Variants in SDK1 observed in about 807,000 individuals in gnomAD.
The protein encoded by SDK1 is sidekick cell adhesion molecule 1, also known as protein sidekick-1.
SDK1 carries 157 observed loss-of-function variants against 245.5 expected under a neutral mutation model. That is an observed-to-expected ratio of 0.64 (90% CI 0.56 to 0.73). The LOEUF is 0.73. Ranked by LOEUF, SDK1 falls within the 30% of genes least tolerant of loss-of-function variation. The pLI is 0.00. For missense variants in SDK1, 3,583 were observed against 3,002.3 expected, an observed-to-expected ratio of 1.19 and a Z score of -4.52; for synonymous variants, 1,647 against 1,278.5, an observed-to-expected ratio of 1.29 and a Z score of -6.15.
At chr7:3,498,683 T>C (rs1782098337) in intron 1 of SDK1, among the ~76,000 whole-genome samples, 1 of 152,122 alleles carries the variant, frequency 6.6e-6, no homozygotes, top group Non-Finnish European at 1.5e-5. Context: ...TTCAGCTCTC[T>C]GCATATTTGT....
intron 35 of SDK1, among the ~76,000 whole-genome samples, chr7:4,190,221 T>G (rs1402637007): frequency 6.6e-6 from 1 of 152,182 alleles, no homozygotes; most frequent in Non-Finnish European, 1.5e-5. Flanking sequence ...TGGGTAATTA[T>G]TAACATATCA....
intron 44 of SDK1, among the ~76,000 whole-genome samples, chr7:4,259,727 T>TA (rs1256702163): frequency 2.0e-5 from 3 of 152,154 alleles, no homozygotes; most frequent in Non-Finnish European, 4.4e-5. Context: ...AAATGAGTTA[T>TA]AAAAAAACCT....
chr7:4,144,927 C>G (rs535407099), intron 28 of SDK1, among the ~76,000 whole-genome samples: 4 of 152,218 alleles, frequency 2.6e-5, no homozygotes, highest in Non-Finnish European at 5.9e-5. Context: ...CTGGACCACA[C>G]GTTGTCTGTG....
At chr7:3,548,839 T>A (rs1779312306) in intron 1 of SDK1, among the ~76,000 whole-genome samples, 1 of 152,218 alleles carries the variant, frequency 6.6e-6, no homozygotes, top group South Asian at 2.1e-4. Context: ...ATATTTTGTA[T>A]CCTTTTATCA....
intron 32 of SDK1, among the ~76,000 whole-genome samples, chr7:4,171,805 G>A (rs184483470): frequency 1.3e-5 from 2 of 152,234 alleles, no homozygotes; most frequent in South Asian, 2.1e-4. Context: ...GGTGGGCAGC[G>A]GGAGTCCTCG....
chr7:3,873,897 A>G (rs186297956), intron 5 of SDK1, among the ~76,000 whole-genome samples: 1 of 152,144 alleles, frequency 6.6e-6, no homozygotes, highest in Non-Finnish European at 1.5e-5. Flanking sequence ...TAGTTGTTTT[A>G]AATTCTTTGT....
intron 8 of SDK1, among the ~76,000 whole-genome samples, chr7:3,959,327 C>G (rs1461779301): frequency 1.3e-5 from 2 of 152,270 alleles, no homozygotes; most frequent in Admixed American, 1.3e-4. Flanking sequence ...GCCCTGACTT[C>G]ACAAGTGTGT....
At chr7:3,559,739 G>A (rs1186195261) in intron 1 of SDK1, among the ~76,000 whole-genome samples, 1 of 137,876 alleles carries the variant, frequency 7.3e-6, no homozygotes, top group African/African-American at 2.8e-5. Flanking sequence ...TATGAATAGA[G>A]ATGACATTGT....
chr7:3,317,289 GTAAGGTTTT>G (rs1165518539), intron 1 of SDK1, among the ~76,000 whole-genome samples: 1 of 149,616 alleles, frequency 6.7e-6, no homozygotes, highest in Non-Finnish European at 1.5e-5. Context: ...AATTTTTAAA[GTAAGGTTTT>G]TAAGGCAAGC....
At chr7:4,190,851 C>T (rs778341570) in intron 35 of SDK1, among the ~76,000 whole-genome samples, 1 of 152,238 alleles carries the variant, frequency 6.6e-6, no homozygotes, top group Non-Finnish European at 1.5e-5. Context: ...GCAGACACAG[C>T]CCCCGAGGGA....
At chr7:3,858,835 A>G in intron 5 of SDK1, among the ~76,000 whole-genome samples, 1 of 149,558 alleles carries the variant, frequency 6.7e-6, no homozygotes, top group East Asian at 1.9e-4. Context: ...CCCAAAATTT[A>G]GTTGTCTAAA....
At chr7:3,492,203 G>A (rs1024023819) in intron 1 of SDK1, among the ~76,000 whole-genome samples, 1 of 152,156 alleles carries the variant, frequency 6.6e-6, no homozygotes, top group African/African-American at 2.4e-5. Flanking sequence ...TTTCTGTTCA[G>A]TCTTTCTTCT....
chr7:3,780,539 G>A (rs1186413219), intron 4 of SDK1, among the ~76,000 whole-genome samples: 1 of 152,206 alleles, frequency 6.6e-6, no homozygotes, highest in East Asian at 1.9e-4. Context: ...CATTAACGTG[G>A]TAGGAATTTC....
chr7:4,060,703 T>G (rs894695783), intron 19 of SDK1, among the ~76,000 whole-genome samples: 3 of 152,132 alleles, frequency 2.0e-5, no homozygotes, highest in Admixed American at 6.5e-5. Flanking sequence ...GTTTTAGACA[T>G]GAAGTCCTTG....
chr7:4,174,337 C>G lies in SDK1; in HGVS notation c.4916C>G (p.Ala1639Gly), dbSNP rs550760169. Residue 1639 changes from alanine (A) to glycine (G), a missense_variant, in exon 33 of 45, where the codon GCT (alanine) becomes GGT (glycine). Physicochemically the swap from Ala to Gly is moderately conservative, Grantham distance 60. Coordinates refer to ENST00000404826, the MANE Select transcript of SDK1 (RefSeq NM_152744.4). The stretch of plus-strand genomic sequence containing the variant: ...GCCAAGACGCTCAAAAACCCTATAG[C>G]TTTACATGCTGAGCTCACAGGTGAG... ...TEAKTLKNPI[A>G]LHAELTAQSS... 2.4e-5 allele frequency: 38 copies of G among 1,613,854 alleles called. No homozygotes were observed. In the East Asian group the frequency reaches 7.8e-4, roughly 33 times the overall value.
At chr7:4,243,688 TC>T (rs769307838) in intron 43 of SDK1, among the ~76,000 whole-genome samples, 12 of 152,050 alleles carry the variant, frequency 7.9e-5, no homozygotes, top group Non-Finnish European at 1.5e-4. Context: ...TTCAAGTACC[TC>T]CCACCAGGTC....
At chr7:4,199,777 C>T (rs1366191944) in intron 35 of SDK1, among the ~76,000 whole-genome samples, 2 of 152,178 alleles carry the variant, frequency 1.3e-5, no homozygotes, top group Non-Finnish European at 2.9e-5. Flanking sequence ...CCACACATCC[C>T]TGTGCTCAGT....
At chr7:3,936,088 GTA>G (rs1780149182) in intron 5 of SDK1, among the ~76,000 whole-genome samples, 2 of 152,192 alleles carry the variant, frequency 1.3e-5, no homozygotes, top group African/African-American at 4.8e-5. Flanking sequence ...GACACATGCT[GTA>G]TCAATGAACC....
chr7:3,853,347 A>G (rs1163902185), intron 5 of SDK1, among the ~76,000 whole-genome samples: 5 of 152,196 alleles, frequency 3.3e-5, no homozygotes, highest in Non-Finnish European at 5.9e-5. Flanking sequence ...CAATATAGCC[A>G]TAAACATAAC....
Sources: allele counts gnomAD v4.1 joint callset (sites outside exome capture counted in the v4.1 genomes callset), GRCh38; gene constraint gnomAD v4.1.1; transcripts MANE v1.5; gene names NCBI Gene and HGNC (gene_info 2026-07-23, HGNC 2026-07-21).